The following ARHGAP35 variants were observed in gnomAD, a reference collection of about 807,000 sequenced individuals.
ARHGAP35 encodes the protein rho GTPase-activating protein 35.
A neutral mutation model predicts 111.1 loss-of-function variants in ARHGAP35; 15 were observed. That is an observed-to-expected ratio of 0.13 (90% CI 0.09 to 0.21). The LOEUF (loss-of-function observed/expected upper bound fraction) is 0.21, where lower values mean the gene tolerates loss of function less well. Ranked by LOEUF, ARHGAP35 falls within the 10% of genes least tolerant of loss-of-function variation. The pLI is 1.00. For missense variants in ARHGAP35, 1,262 were observed against 1,873.0 expected (o/e 0.67, Z 6.02); for synonymous variants, 643 against 710.3 (o/e 0.91, Z 1.51).
chr19:46,981,955 A>AT (rs1429459575), intron 3 of ARHGAP35, among the ~76,000 whole-genome samples: 2 of 152,048 alleles, frequency 1.3e-5, no homozygotes, highest in Non-Finnish European at 2.9e-5. Flanking sequence ...CCAGGCTCAA[A>AT]TGATCCACCC....
intron 3 of ARHGAP35, among the ~76,000 whole-genome samples, chr19:46,942,072 T>A (rs919055921): frequency 1.3e-5 from 2 of 152,148 alleles, no homozygotes; most frequent in Non-Finnish European, 2.9e-5. Flanking sequence ...ATTGGAGGGA[T>A]GTCTTTGTGT....
At chr19:46,889,510 C>T (rs1198754244) in intron 1 of ARHGAP35, among the ~76,000 whole-genome samples, 1 of 151,752 alleles carries the variant, frequency 6.6e-6, no homozygotes, top group Admixed American at 6.6e-5. Context: ...CAATCAACAG[C>T]GATTAATTAT....
Position 46,986,637 on chromosome 19 carries a change from A to G in ARHGAP35, c.3827-1352A>G, listed in dbSNP as rs1345205957. ...ATTAGAAGACAGATAACAAAAAGGA[A>G]AAATGTAAACATATATAACGTTGAT... On this transcript the variant is annotated intron_variant, in intron 3 of 6. Transcript: ENST00000672722. The surrounding 1 kb of genome is among the most constrained non-coding windows in gnomAD (Gnocchi z 4.3). 6.6e-6 allele frequency among the ~76,000 whole-genome samples: 1 copy of G among 152,230 alleles called. No homozygotes were observed. Among genetic ancestry groups the G allele is most frequent in the East Asian group, 1.9e-4 (1 of 5,206 alleles).
chr19:46,874,407 A>G lies in ARHGAP35; in HGVS notation c.-189+13198A>G, dbSNP rs191691736. 1.9e-3 allele frequency among the ~76,000 whole-genome samples: 292 copies of G among 152,208 alleles called. 3 individuals are homozygous for G. The highest frequency in any genetic ancestry group is 6.3e-3 in the African/African-American group (261 of 41,510). ...GAATTATGTGTGACTAAGCATTTCAATGCAAGAATGCATTGACTAGGAAGA... is the reference window on the plus strand; with the variant it reads ...GAATTATGTGTGACTAAGCATTTCAGTGCAAGAATGCATTGACTAGGAAGA... On this transcript the variant is annotated intron_variant, in intron 1 of 6. Coordinates refer to ENST00000672722, the MANE Select transcript of ARHGAP35 (RefSeq NM_004491.5).
rs2056208972 is a variant in ARHGAP35, at chr19:46,922,433, A to G, written c.3681+77A>G. On this transcript the variant is annotated intron_variant, in intron 2 of 6. Coordinates refer to ENST00000672722, the MANE Select transcript of ARHGAP35 (RefSeq NM_004491.5). This position sits in a 1 kb window ranked among gnomAD's most constrained non-coding sequence, Gnocchi z 4.0. ...AGGGTTGATTGATGATGATTTTTCA[A>G]GGACAACCTATTCTGGTAAAAAAAA... The G allele has an allele frequency of 2.9e-6, 4 of 1,360,420 alleles. No homozygotes were observed. Among genetic ancestry groups the G allele is most frequent in the African/African-American group, 2.9e-5 (2 of 67,990 alleles). The allele number at this position is 1,360,420 out of a possible 1,614,324, so 84.3% of individuals were successfully genotyped here. A position where few individuals can be genotyped will look rare whatever the true frequency, so the allele number is the denominator to read the frequency against.
intron 3 of ARHGAP35, among the ~76,000 whole-genome samples, chr19:46,969,240 A>G (rs1226556910): frequency 6.6e-6 from 1 of 152,246 alleles, no homozygotes; most frequent in Non-Finnish European, 1.5e-5. Flanking sequence ...GCTCACAGCC[A>G]TCGAATTGGA....
intron 1 of ARHGAP35, among the ~76,000 whole-genome samples, chr19:46,882,935 G>A (rs982412511): frequency 2.0e-5 from 3 of 152,110 alleles, no homozygotes; most frequent in African/African-American, 7.2e-5. Flanking sequence ...TTAACAATGT[G>A]GCTGTTTGGC....
intron 3 of ARHGAP35, among the ~76,000 whole-genome samples, chr19:46,954,332 A>G (rs982854424): frequency 6.6e-6 from 1 of 152,220 alleles, no homozygotes; most frequent in South Asian, 2.1e-4. Context: ...TTCCTGATTC[A>G]TGTGTCCCCA....
chr19:46,930,143 G>A (rs541406232), intron 2 of ARHGAP35, among the ~76,000 whole-genome samples: 1 of 152,170 alleles, frequency 6.6e-6, no homozygotes, highest in Non-Finnish European at 1.5e-5. Context: ...GAGTTTGGCA[G>A]ATTGCTTGAG....
chr19:46,913,369 T>C (rs2056148066), intron 1 of ARHGAP35, among the ~76,000 whole-genome samples: 3 of 151,842 alleles, frequency 2.0e-5, no homozygotes, highest in African/African-American at 7.3e-5. Flanking sequence ...AAATCTGGGA[T>C]CACGGTGGCA....
At position 46,921,321 on chromosome 19, in the gene ARHGAP35, T is replaced by C. The variant is rs369651196; in HGVS notation, c.2646T>C (p.Pro882=). The part of the protein sequence containing the change: ...AFLCEVQDII[P]IQLVALTDGA... ...TTTGTGAAGTGCAGGATATTATCCC[T>C]ATTCAGCTTGTAGCACTCACTGATG... Residue 882 remains proline (P), a synonymous_variant, in exon 2 of 7, where the codon CCT becomes CCC. Transcript: ENST00000672722. The surrounding 1 kb of genome is among the most constrained non-coding windows in gnomAD (Gnocchi z 4.3). The C allele has an allele frequency of 1.2e-6, 2 of 1,613,996 alleles. No individual in the cohort carries two copies. Among genetic ancestry groups the C allele is most frequent in the Non-Finnish European group, 8.5e-7 (1 of 1,179,894 alleles).
At chr19:46,990,009 C>T (rs906484020) in intron 5 of ARHGAP35, among the ~76,000 whole-genome samples, 2 of 152,196 alleles carry the variant, frequency 1.3e-5, no homozygotes, top group Non-Finnish European at 2.9e-5. Context: ...TTGTTACCAT[C>T]CCTACTCCTG....
intron 3 of ARHGAP35, among the ~76,000 whole-genome samples, chr19:46,977,307 A>C (rs1435230878): frequency 2.0e-5 from 3 of 152,204 alleles, no homozygotes; most frequent in Admixed American, 1.3e-4. Flanking sequence ...ACCGGGAAGA[A>C]GGGGAGGGAG....
In ARHGAP35 at chr19:46,921,738, G is replaced by C. The variant is rs377484115; in HGVS notation, c.3063G>C (p.Gly1021=). The C allele has an allele frequency of 3.1e-6, 5 of 1,613,870 alleles. No individual in the cohort carries two copies. The African/African-American group carries it at 4.0e-5, about 13-fold the overall frequency. The part of the protein sequence containing the change: ...KLSMELEGND[G]LSFIMSNFES... ...CTATGGAACTGGAGGGAAATGATGGGCTGTCTTTCATTATGAGCAATTTTG... is the reference window on the plus strand; with the variant it reads ...CTATGGAACTGGAGGGAAATGATGGCCTGTCTTTCATTATGAGCAATTTTG... The change falls in exon 2 of 7, where the codon GGG becomes GGC. Residue 1021 remains glycine, a synonymous_variant. Coordinates refer to ENST00000672722, the MANE Select transcript of ARHGAP35 (RefSeq NM_004491.5). This position sits in a 1 kb window ranked among gnomAD's most constrained non-coding sequence, Gnocchi z 4.3.
At chr19:46,864,653 G>A (rs1469415117) in intron 1 of ARHGAP35, among the ~76,000 whole-genome samples, 2 of 152,208 alleles carry the variant, frequency 1.3e-5, no homozygotes, top group East Asian at 3.8e-4. Flanking sequence ...TAGTAGATTT[G>A]TATGGTCCCT....
At chr19:46,928,432 T>C (rs1733084352) in intron 2 of ARHGAP35, among the ~76,000 whole-genome samples, 1 of 152,126 alleles carries the variant, frequency 6.6e-6, no homozygotes, top group Non-Finnish European at 1.5e-5. Flanking sequence ...CTACAGCATT[T>C]GAGAGAAGCA....
chr19:46,932,000 G>A (rs1307443223), intron 2 of ARHGAP35, among the ~76,000 whole-genome samples: 1 of 152,144 alleles, frequency 6.6e-6, no homozygotes, highest in East Asian at 1.9e-4. Flanking sequence ...CTTAAGAGGT[G>A]GCCGGGCACG....
At chr19:46,949,788 T>G (rs1159657998) in intron 3 of ARHGAP35, among the ~76,000 whole-genome samples, 1 of 152,254 alleles carries the variant, frequency 6.6e-6, no homozygotes, top group African/African-American at 2.4e-5. Flanking sequence ...AAATCCTGTT[T>G]GTAATGTTCT....
At chr19:46,899,604 G>A (rs989649406) in intron 1 of ARHGAP35, among the ~76,000 whole-genome samples, 14 of 151,922 alleles carry the variant, frequency 9.2e-5, no homozygotes. Flanking sequence ...GGTAACTGCA[G>A]CGGGAGGATC....
Sources: gnomAD v4.1 joint callset for allele counts (sites outside exome capture counted in the v4.1 genomes callset) on GRCh38, gnomAD v4.1.1 for gene constraint, Gnocchi (gnomAD v3.1) non-coding constraint, MANE v1.5 for transcripts, NCBI Gene and HGNC (gene_info 2026-07-23, HGNC 2026-07-21) for gene names.